The following MTURN variants were observed in gnomAD, a reference collection of about 807,000 sequenced individuals.
The protein encoded by MTURN is maturin, neural progenitor differentiation regulator homolog.
In MTURN, 7 loss-of-function variants were observed where a neutral mutation model predicts 14.9. The observed-to-expected ratio is 0.47, with a 90% CI of 0.27 to 0.88. MTURN has a LOEUF of 0.88. Ranked by LOEUF, MTURN falls within the 40% of genes least tolerant of loss-of-function variation. MTURN has a pLI of 0.14. For missense variants in MTURN, 151 were observed against 174.1 expected, an observed-to-expected ratio of 0.87 and a Z score of 0.75; for synonymous variants, 69 against 72.5, an observed-to-expected ratio of 0.95 and a Z score of 0.25.
chr7:30,156,823 C>CAA lies in MTURN; in HGVS notation c.286-604_286-603dup, dbSNP rs556587762. Among the ~76,000 whole-genome samples the CAA allele has an allele frequency of 3.7e-3, 512 of 139,264 alleles. 1 individual carries two copies. In the Middle Eastern group the frequency reaches 0.038, roughly 10 times the overall value. The allele number at this position is 139,264 out of a possible 152,430, so 91.4% of individuals were successfully genotyped here. ...CTGGCAACAGAGCGAGACTCCCTCT[C>CAA]AAAAAAAAAAAACTCTGTCATAATA... On this transcript the variant is annotated intron_variant, in intron 2 of 2. Coordinates refer to ENST00000324453, the MANE Select transcript of MTURN (RefSeq NM_152793.3).
chr7:30,155,677 T>C (rs543436863), intron 2 of MTURN, among the ~76,000 whole-genome samples: 7 of 152,332 alleles, frequency 4.6e-5, no homozygotes, highest in Non-Finnish European at 8.8e-5. Context: ...GTGTCTGCAG[T>C]TGACTGTGTA....
chr7:30,139,557 A>G (rs1447843610), intron 1 of MTURN, among the ~76,000 whole-genome samples: 2 of 152,138 alleles, frequency 1.3e-5, no homozygotes, highest in Non-Finnish European at 2.9e-5. Context: ...TTCCCACTTT[A>G]TAGGCAAAGA....
In MTURN at chr7:30,145,657, G is replaced by A. The variant is rs117515223; in HGVS notation, c.163-520G>A. ...CAGTGACATAGTGGTGACTTGGTGG[G>A]TTCTCTTAAGTTATTTGCATTTGGA... is the stretch of plus-strand genomic sequence containing the variant. On this transcript the variant is annotated intron_variant, in intron 1 of 2. Coordinates refer to ENST00000324453, the MANE Select transcript of MTURN (RefSeq NM_152793.3). 3.1e-3 allele frequency: 1,873 copies of A among 599,444 alleles called. 2 individuals are homozygous for A. The highest frequency in any genetic ancestry group is 4.6e-3 in the Non-Finnish European group (1,642 of 359,456). 37.1% of individuals were successfully genotyped at this position (599,444 alleles called of 1,614,324 possible). A position where few individuals can be genotyped will look rare whatever the true frequency, so the allele number is the denominator to read the frequency against.
intron 1 of MTURN, chr7:30,145,918 T>G (rs1325714713): frequency 6.4e-7 from 1 of 1,551,750 alleles, no homozygotes; most frequent in East Asian, 2.4e-5. Context: ...CTGCCCTCTT[T>G]ACTGTGTAGG....
intron 1 of MTURN, among the ~76,000 whole-genome samples, chr7:30,135,814 G>A (rs531970754): frequency 1.3e-5 from 2 of 152,328 alleles, no homozygotes; most frequent in South Asian, 4.1e-4. Context: ...TGCCCCTCCC[G>A]GGAGAACCCC....
At chr7:30,145,017 T>C (rs1797109088) in intron 1 of MTURN, among the ~76,000 whole-genome samples, 1 of 140,874 alleles carries the variant, frequency 7.1e-6, no homozygotes, top group African/African-American at 2.6e-5. Flanking sequence ...TGACAGATAC[T>C]CTGATGTTAC....
chr7:30,162,108 GA>G lies in MTURN; in HGVS notation c.*4562del, dbSNP rs1283767004. 1 of 152,114 alleles carries G rather than the reference GA, an allele frequency of 6.6e-6. No individual in the cohort carries two copies. The highest frequency in any genetic ancestry group is 1.5e-5 in the Non-Finnish European group (1 of 68,030). 9.4% of individuals were successfully genotyped at this position (152,114 alleles called of 1,614,324 possible). A position where few individuals can be genotyped will look rare whatever the true frequency, so the allele number is the denominator to read the frequency against. On this transcript the variant is annotated 3_prime_UTR_variant, in exon 3 of 3. Coordinates refer to ENST00000324453, the MANE Select transcript of MTURN (RefSeq NM_152793.3). ...ACCCCATTTAAAGCACTATAAGGCT[GA>G]ATAGGCACAAGCGATTAAAAGTAGA... is the stretch of plus-strand genomic sequence containing the variant.
chr7:30,145,397 G>A (rs963625779), intron 1 of MTURN, among the ~76,000 whole-genome samples: 1 of 152,128 alleles, frequency 6.6e-6, no homozygotes, highest in African/African-American at 2.4e-5. Context: ...GGGTGGCCAA[G>A]ATGGGAGGGT....
chr7:30,146,820 T>C (rs1797137574), intron 2 of MTURN, among the ~76,000 whole-genome samples: 1 of 152,240 alleles, frequency 6.6e-6, no homozygotes, highest in South Asian at 2.1e-4. Flanking sequence ...TTTCCCCTTT[T>C]GGGATTTAGG....
intron 1 of MTURN, among the ~76,000 whole-genome samples, chr7:30,135,633 GCCTGGCATGGAGCATC>G (rs1796940596): frequency 6.6e-6 from 1 of 152,146 alleles, no homozygotes; most frequent in Admixed American, 6.5e-5. Flanking sequence ...CGTGCGCGGT[GCCTGGCATGGAGCATC>G]CCTGGGGTGT....
chr7:30,156,806 A>G (rs1797294983), intron 2 of MTURN, among the ~76,000 whole-genome samples: 1 of 151,482 alleles, frequency 6.6e-6, no homozygotes, highest in South Asian at 2.1e-4. Context: ...ACCTGGCAAC[A>G]GAGCGAGACT....
chr7:30,144,824 G>T (rs1778900228), intron 1 of MTURN, among the ~76,000 whole-genome samples: 1 of 151,822 alleles, frequency 6.6e-6, no homozygotes, highest in South Asian at 2.1e-4. Flanking sequence ...GCCAGTGTGT[G>T]CTTGGCATGG....
rs181269282 is a variant in MTURN at position 30,139,267 on chromosome 7, G to A, written c.162+3969G>A. ...ATGTTCAGTTTACTATGTAGCAGAC[G>A]CTGCTCTCGGCACTTTACATATGCC... is the stretch of plus-strand genomic sequence containing the variant. On this transcript the variant is annotated intron_variant, in intron 1 of 2. Transcript: ENST00000324453. Among the ~76,000 whole-genome samples, 298 of 152,290 alleles carry A rather than the reference G, an allele frequency of 2.0e-3. 1 individual carries two copies. Among genetic ancestry groups the A allele is most frequent in the African/African-American group, 6.8e-3 (281 of 41,556 alleles).
chr7:30,157,601 G>A lies in MTURN; in HGVS notation c.*53G>A. On this transcript the variant is annotated 3_prime_UTR_variant, in exon 3 of 3. Coordinates refer to ENST00000324453, the MANE Select transcript of MTURN (RefSeq NM_152793.3). ...TGAGCCCCACAGTAACCTAGGTGGG[G>A]TCACTGCCCCTCCTGGGTTAGCATT... 2 of 1,379,112 alleles carry A rather than the reference G, an allele frequency of 1.5e-6. No homozygotes were observed. Among genetic ancestry groups the A allele is most frequent in the Non-Finnish European group, 2.0e-6 (2 of 1,015,134 alleles). 85.4% of individuals were successfully genotyped at this position (1,379,112 alleles called of 1,614,324 possible). A position where few individuals can be genotyped will look rare whatever the true frequency, so the allele number is the denominator to read the frequency against.
At chr7:30,136,163 G>T (rs1237473669) in intron 1 of MTURN, among the ~76,000 whole-genome samples, 2 of 152,210 alleles carry the variant, frequency 1.3e-5, no homozygotes, top group Admixed American at 6.5e-5. Flanking sequence ...GGCTTTTCCA[G>T]ATGACGGGGA....
At position 30,135,202 on chromosome 7, in the gene MTURN, C is replaced by G; in HGVS notation, c.66C>G (p.Ile22Met). The change falls in exon 1 of 3, where the codon ATC becomes ATG. Residue 22 changes from isoleucine to methionine, a missense_variant. Transcript: ENST00000324453. Reference protein sequence around the residue: ...KWCSNTPFELIATEETERRMD... With the variant: ...KWCSNTPFELMATEETERRMD... ...GCTCCAACACGCCCTTCGAGCTCAT[C>G]GCCACCGAGGAGACCGAACGCAGGA... is the stretch of plus-strand genomic sequence containing the variant. 6.6e-7 allele frequency: 1 copy of G among 1,510,832 alleles called. No individual in the cohort carries two copies. Among genetic ancestry groups the G allele is most frequent in the Non-Finnish European group, 8.9e-7 (1 of 1,128,044 alleles). The allele number at this position is 1,510,832 out of a possible 1,614,324, so 93.6% of individuals were successfully genotyped here. A position where few individuals can be genotyped will look rare whatever the true frequency, so the allele number is the denominator to read the frequency against.
At chr7:30,147,361 C>T (rs1230764028) in intron 2 of MTURN, among the ~76,000 whole-genome samples, 1 of 152,160 alleles carries the variant, frequency 6.6e-6, no homozygotes, top group Non-Finnish European at 1.5e-5. Context: ...GACTTGGGGG[C>T]CTATTAGTCT....
Position 30,158,250 on chromosome 7 carries a change from A to G in MTURN, c.*702A>G, listed in dbSNP as rs1243206088. ...TTCCAAAGCCACTTTTGAAGTCTAT[A>G]GTGGAAAATATAGATGGGGTGAAAG... On this transcript the variant is annotated 3_prime_UTR_variant, in exon 3 of 3. Transcript: ENST00000324453. 1 of 152,450 alleles carries G rather than the reference A, an allele frequency of 6.6e-6. No individual in the cohort carries two copies. The highest frequency in any genetic ancestry group is 1.5e-5 in the Non-Finnish European group (1 of 68,034). 9.4% of individuals were successfully genotyped at this position (152,450 alleles called of 1,614,324 possible).
chr7:30,153,227 C>A lies in MTURN; in HGVS notation c.286-4211C>A, dbSNP rs5003410. On this transcript the variant is annotated intron_variant, in intron 2 of 2. Coordinates refer to ENST00000324453, the MANE Select transcript of MTURN (RefSeq NM_152793.3). ...TTGGGATCCAGAAGTTAAATTTAGACTTGCCCACCATAGGTGGGATTAAGC... is the reference window on the plus strand; with the variant it reads ...TTGGGATCCAGAAGTTAAATTTAGAATTGCCCACCATAGGTGGGATTAAGC... Among the ~76,000 whole-genome samples, 707 of 152,154 alleles carry A rather than the reference C, an allele frequency of 4.6e-3. 8 individuals are homozygous for A. Among genetic ancestry groups the A allele is most frequent in the African/African-American group, 0.016 (666 of 41,496 alleles).
Sources: gnomAD v4.1 joint callset for allele counts (sites outside exome capture counted in the v4.1 genomes callset) on GRCh38, gnomAD v4.1.1 for gene constraint, MANE v1.5 for transcripts, NCBI Gene and HGNC (gene_info 2026-07-23, HGNC 2026-07-21) for gene names.